PDE10A: variants seen among roughly 807,000 people sequenced by gnomAD.
PDE10A encodes the protein phosphodiesterase 10A.
A neutral mutation model predicts 97.7 loss-of-function variants in PDE10A; 39 were observed. That is an observed-to-expected ratio of 0.40 (90% CI 0.31 to 0.52). The LOEUF (loss-of-function observed/expected upper bound fraction) is 0.52, where lower values mean the gene tolerates loss of function less well. Ranked by LOEUF, PDE10A falls within the 20% of genes least tolerant of loss-of-function variation. The probability of loss-of-function intolerance (pLI) is 0.56; values close to 1 mark genes in which losing one functional copy is unlikely to be tolerated. For missense variants in PDE10A, 731 were observed against 1,047.8 expected, an observed-to-expected ratio of 0.70 and a Z score of 4.17; for synonymous variants, 371 against 376.8, an observed-to-expected ratio of 0.98 and a Z score of 0.18.
chr6:165,667,573 G>A (rs974583079), upstream of PDE10A, among the ~76,000 whole-genome samples: 1 of 151,194 alleles, frequency 6.6e-6, no homozygotes, highest in Non-Finnish European at 1.5e-5. Flanking sequence ...AGATGCAAAT[G>A]GTTAAAACAA....
intron 1 of PDE10A, among the ~76,000 whole-genome samples, chr6:165,816,458 G>A (rs1343114893): frequency 6.6e-6 from 1 of 152,212 alleles, no homozygotes; most frequent in Non-Finnish European, 1.5e-5. Flanking sequence ...CCACGGAGCA[G>A]TAGTTAGGAG....
intron 1 of PDE10A, among the ~76,000 whole-genome samples, chr6:165,843,059 AG>A (rs1445099000): frequency 6.6e-6 from 1 of 152,228 alleles, no homozygotes; most frequent in Admixed American, 6.5e-5. Flanking sequence ...ATACACTGTG[AG>A]GCCCCGCTGT....
intron 1 of PDE10A, among the ~76,000 whole-genome samples, chr6:165,886,273 C>T (rs889150667): frequency 6.7e-6 from 1 of 149,642 alleles, no homozygotes; most frequent in Non-Finnish European, 1.5e-5. Flanking sequence ...ATCCTGGACC[C>T]CTGGGCCCTG....
intron 1 of PDE10A, among the ~76,000 whole-genome samples, chr6:165,584,200 C>T (rs1240316553): frequency 2.0e-5 from 3 of 152,210 alleles, no homozygotes. Context: ...CACCACACAA[C>T]ATGCTTGGTG....
chr6:165,672,762 TC>T (rs1310864229), intron 1 of PDE10A, among the ~76,000 whole-genome samples: 1 of 152,212 alleles, frequency 6.6e-6, no homozygotes, highest in African/African-American at 2.4e-5. Context: ...TTAAACCTCT[TC>T]TTTTGTAAAT....
chr6:165,378,316 A>G (rs1784737334), intron 18 of PDE10A, among the ~76,000 whole-genome samples: 1 of 152,246 alleles, frequency 6.6e-6, no homozygotes, highest in South Asian at 2.1e-4. Flanking sequence ...GTATAAATCC[A>G]AATTCAGCAA....
Position 165,416,259 on chromosome 6 carries a change from C to A in PDE10A, c.1819G>T (p.Ala607Ser), listed in dbSNP as rs2128229080. ...TCCCCTGTTCTTGCTACTTGGCCAG[C>A]AATTCCTTTCTCAATTGAAAATCTG... ...EIRFSIEKGI[A>S]GQVARTGEVL... The change falls in exon 12 of 22, where the codon GCT becomes TCT. Residue 607 changes from alanine to serine, a missense_variant. Ala to Ser is a moderately conservative substitution (Grantham distance 99). Coordinates refer to ENST00000539869, the MANE Select transcript of PDE10A (RefSeq NM_001385079.1). 1 of 1,612,300 alleles carries A rather than the reference C, an allele frequency of 6.2e-7. No individual in the cohort carries two copies. Among genetic ancestry groups the A allele is most frequent in the Non-Finnish European group, 8.5e-7 (1 of 1,178,404 alleles).
chr6:165,637,100 T>G (rs1386700036), intron 1 of PDE10A, among the ~76,000 whole-genome samples: 1 of 152,182 alleles, frequency 6.6e-6, no homozygotes, highest in Non-Finnish European at 1.5e-5. Context: ...TACTATTATT[T>G]TCATCCCATG....
At chr6:165,618,705 C>A (rs185144394) in intron 1 of PDE10A, among the ~76,000 whole-genome samples, 2 of 152,304 alleles carry the variant, frequency 1.3e-5, no homozygotes, top group East Asian at 1.9e-4. Context: ...TCTCTCCTGT[C>A]CCCTCCCTGT....
chr6:165,571,919 G>A (rs368870116), intron 1 of PDE10A, among the ~76,000 whole-genome samples: 1 of 152,056 alleles, frequency 6.6e-6, no homozygotes, highest in African/African-American at 2.4e-5. Flanking sequence ...TAATATTTAG[G>A]AGCCAAATTG....
intron 1 of PDE10A, among the ~76,000 whole-genome samples, chr6:165,944,137 A>C (rs1477074836): frequency 6.6e-6 from 1 of 152,200 alleles, no homozygotes; most frequent in Non-Finnish European, 1.5e-5. Flanking sequence ...AAAGGGGGGA[A>C]ATCCCTTCTT....
chr6:165,384,196 C>T (rs3799156), intron 17 of PDE10A, among the ~76,000 whole-genome samples: 24,805 of 151,882 alleles, frequency 0.16, 2,272 homozygotes, highest in East Asian at 0.27. Flanking sequence ...GAGGAAAAGG[C>T]GGAAAAACAG....
chr6:165,539,910 A>G (rs1783326634), intron 2 of PDE10A, among the ~76,000 whole-genome samples: 1 of 148,218 alleles, frequency 6.7e-6, no homozygotes, highest in African/African-American at 2.6e-5. Context: ...TGGGCAACAG[A>G]GCAACACTTT....
At chr6:165,744,390 A>G (rs1208139541) in intron 1 of PDE10A, among the ~76,000 whole-genome samples, 1 of 152,148 alleles carries the variant, frequency 6.6e-6, no homozygotes, top group Admixed American at 6.5e-5. Flanking sequence ...TATTTCACTG[A>G]ATTGACACAT....
intron 5 of PDE10A, among the ~76,000 whole-genome samples, chr6:165,437,354 G>C (rs985716412): frequency 5.9e-5 from 9 of 151,926 alleles, no homozygotes; most frequent in Non-Finnish European, 1.2e-4. Context: ...TACATTATTA[G>C]ATGATCATAT....
chr6:165,773,562 C>G (rs73261217), intron 1 of PDE10A, among the ~76,000 whole-genome samples: 7,780 of 152,196 alleles, frequency 0.051, 623 homozygotes, highest in African/African-American at 0.17. Context: ...TTTGAGTTCA[C>G]TTATTTTGAC....
intron 1 of PDE10A, among the ~76,000 whole-genome samples, chr6:165,649,585 A>G (rs778991391): frequency 5.3e-5 from 8 of 152,278 alleles, no homozygotes; most frequent in Non-Finnish European, 1.2e-4. Context: ...GCCCCGGTAT[A>G]CAGCAGCTCC....
At chr6:165,906,921 C>T (rs145083156) in intron 1 of PDE10A, among the ~76,000 whole-genome samples, 36 of 152,288 alleles carry the variant, frequency 2.4e-4, no homozygotes, top group African/African-American at 7.5e-4. Context: ...ATATCCAAGA[C>T]GGCCTTCGCT....
At chr6:165,854,772 G>C (rs1468202023) in intron 1 of PDE10A, among the ~76,000 whole-genome samples, 1 of 152,198 alleles carries the variant, frequency 6.6e-6, no homozygotes, top group African/African-American at 2.4e-5. Context: ...GCTGCCCCGG[G>C]CAGAGCGACT....
Sources: allele counts gnomAD v4.1 joint callset (sites outside exome capture counted in the v4.1 genomes callset), GRCh38; gene constraint gnomAD v4.1.1; transcripts MANE v1.5; gene names NCBI Gene and HGNC (gene_info 2026-07-23, HGNC 2026-07-21).